Variants in TRPC5 observed in about 807,000 individuals in gnomAD.
TRPC5 encodes short transient receptor potential channel 5.
In TRPC5, 9 loss-of-function variants were observed where a neutral mutation model predicts 56.5. The ratio of observed to expected loss-of-function variants is 0.16; its 90% confidence interval spans 0.10 to 0.28. The LOEUF (loss-of-function observed/expected upper bound fraction) is 0.28, where lower values mean the gene tolerates loss of function less well. TRPC5 is among the 10% of genes least tolerant of loss of function. The pLI, the probability that TRPC5 is intolerant of heterozygous loss-of-function variation, is 1.00. For missense variants in TRPC5, 469 were observed against 748.9 expected, an observed-to-expected ratio of 0.63 and a Z score of 4.36; for synonymous variants, 282 against 278.5, an observed-to-expected ratio of 1.01 and a Z score of -0.13.
intron 7 of TRPC5, among the ~76,000 whole-genome samples, chrX:111,812,843 C>A (rs1921750705): frequency 8.9e-6 from 1 of 112,378 alleles, no homozygotes; most frequent in Non-Finnish European, 1.9e-5. Flanking sequence ...ATATGGATGA[C>A]AAAATCACTT....
chrX:112,041,655 T>A (rs1929894962), intron 1 of TRPC5, among the ~76,000 whole-genome samples: 1 of 111,764 alleles, frequency 8.9e-6, no homozygotes, highest in Admixed American at 9.5e-5. Flanking sequence ...GGGGTCGACA[T>A]AGTCTCCCTG....
intron 1 of TRPC5, among the ~76,000 whole-genome samples, chrX:111,963,760 G>A (rs748125163): frequency 3.6e-5 from 4 of 112,006 alleles, no homozygotes; most frequent in South Asian, 3.7e-4. Context: ...TGCAGCTGAG[G>A]GACCTGTCTG....
At chrX:112,008,755 T>C in intron 1 of TRPC5, among the ~76,000 whole-genome samples, 1 of 111,841 alleles carries the variant, frequency 8.9e-6, no homozygotes, top group Non-Finnish European at 1.9e-5. Context: ...AACATAATTG[T>C]GAAGAGTAAA....
intron 1 of TRPC5, among the ~76,000 whole-genome samples, chrX:112,072,804 ATCTC>A (rs752223814): frequency 2.7e-5 from 3 of 109,421 alleles, no homozygotes; most frequent in Admixed American, 9.8e-5. Flanking sequence ...TGTCAGATCG[ATCTC>A]TCTCTCTCTC....
In TRPC5 at chrX:111,776,344, C is replaced by T. The variant is rs147748171; in HGVS notation, c.2891G>A (p.Gly964Glu). ...GCGAGTTGTAACTTGTTCTTCCTGT[C>T]CATCACCCCATTTGTGCATGAGCAA... ...CDLLMHKWGD[G>E]QEEQVTTRL The change falls in exon 11 of 11, where the codon GGA becomes GAA. Residue 964 changes from glycine to glutamate, a missense_variant. Coordinates refer to ENST00000262839, the MANE Select transcript of TRPC5 (RefSeq NM_012471.3). The T allele has an allele frequency of 2.5e-6, 3 of 1,191,416 alleles. No individual in the cohort carries two copies. Among genetic ancestry groups the T allele is most frequent in the Non-Finnish European group, 3.4e-6 (3 of 886,105 alleles).
chrX:112,027,950 A>C (rs777355280), intron 1 of TRPC5, among the ~76,000 whole-genome samples: 1 of 112,253 alleles, frequency 8.9e-6, no homozygotes, highest in South Asian at 3.7e-4. Context: ...TTTCAGGGAG[A>C]AAAACCTTAG....
intron 1 of TRPC5, among the ~76,000 whole-genome samples, chrX:111,994,668 G>T (rs1265294579): frequency 9.0e-6 from 1 of 111,220 alleles, no homozygotes; most frequent in Non-Finnish European, 1.9e-5. Flanking sequence ...TTTAGCCATT[G>T]TGAATGGGAG....
At chrX:112,023,246 GTTTTTTTTTTTTTTTT>G (rs1163231468) in intron 1 of TRPC5, among the ~76,000 whole-genome samples, 5 of 56,680 alleles carry the variant, frequency 8.8e-5, no homozygotes, top group African/African-American at 1.4e-4. Flanking sequence ...TTTTTTTTTT[GTTTTTTTTTTTTTTTT>G]TTTTTTTTTT....
At position 111,854,092 on chromosome X, in the gene TRPC5, G is replaced by A. The variant is rs769026831; in HGVS notation, c.915C>T (p.Pro305=). The A allele has an allele frequency of 9.1e-6, 11 of 1,207,613 alleles. No homozygotes were observed. Among genetic ancestry groups the A allele is most frequent in the Non-Finnish European group, 1.1e-5 (10 of 893,357 alleles). The stretch of plus-strand genomic sequence containing the variant: ...GGGTGGCAAGCAACTGTTGGCAGTT[G>A]GGCTGAGCAACAAACTGGGAAAAGA... ...KYHQKEFVAQ[P]NCQQLLATLW... Residue 305 remains proline, a synonymous_variant, in exon 4 of 11, where the codon CCC becomes CCT. Transcript: ENST00000262839.
At position 112,026,928 on chromosome X, in the gene TRPC5, AAAAGAAAGAAAG is replaced by A. The variant is rs376571702; in HGVS notation, c.-22+54939_-22+54950del. Among the ~76,000 whole-genome samples, 22 of 109,011 alleles carry A rather than the reference AAAAGAAAGAAAG, an allele frequency of 2.0e-4. 1 individual carries two copies. The highest frequency in any genetic ancestry group is 3.7e-4 in the African/African-American group (11 of 29,928). The allele number at this position is 109,011 out of a possible 115,157, so 94.7% of individuals were successfully genotyped here. On this transcript the variant is annotated intron_variant, in intron 1 of 10. Transcript: ENST00000262839. ...CCATGAAAAAAAAAAAAGAAGAAGAAAAAGAAAGAAAGAAAGAAAGAAAGAAAGAAATTTGGG... is the reference window on the plus strand; with the variant it reads ...CCATGAAAAAAAAAAAAGAAGAAGAAAAAGAAAGAAAGAAAGAAATTTGGG...
intron 1 of TRPC5, among the ~76,000 whole-genome samples, chrX:112,015,821 TAGG>T (rs1030960197): frequency 1.1e-4 from 12 of 111,590 alleles, no homozygotes; most frequent in African/African-American, 3.9e-4. Flanking sequence ...TCCTGGGTAA[TAGG>T]AGGAGGCCAG....
chrX:111,964,783 T>C (rs1427953258), intron 1 of TRPC5, among the ~76,000 whole-genome samples: 1 of 111,244 alleles, frequency 9.0e-6, no homozygotes, highest in African/African-American at 3.3e-5. Flanking sequence ...CTGAGAGATT[T>C]TGTCACCACC....
chrX:111,854,378 T>A (rs1199341424), intron 3 of TRPC5, among the ~76,000 whole-genome samples: 3 of 111,807 alleles, frequency 2.7e-5, no homozygotes, highest in Non-Finnish European at 5.6e-5. Flanking sequence ...CATACCTTCC[T>A]ATTGTCCCTC....
At chrX:111,940,998 A>T (rs1297327161) in intron 2 of TRPC5, among the ~76,000 whole-genome samples, 2 of 112,111 alleles carry the variant, frequency 1.8e-5, no homozygotes, top group Non-Finnish European at 3.8e-5. Flanking sequence ...TAATACATTT[A>T]AATGTTAAGT....
intron 9 of TRPC5, among the ~76,000 whole-genome samples, chrX:111,780,389 C>G (rs1945910411): frequency 9.1e-6 from 1 of 110,272 alleles, no homozygotes; most frequent in Non-Finnish European, 1.9e-5. Flanking sequence ...TTCAGATAAG[C>G]TTTTACTTCA....
At chrX:111,894,510 C>T (rs922644386) in intron 3 of TRPC5, among the ~76,000 whole-genome samples, 2 of 111,505 alleles carry the variant, frequency 1.8e-5, no homozygotes, top group Non-Finnish European at 3.8e-5. Flanking sequence ...CATCTTGTAT[C>T]AATTAAAAAC....
At chrX:111,959,768 C>G (rs1414065673) in intron 1 of TRPC5, among the ~76,000 whole-genome samples, 1 of 111,504 alleles carries the variant, frequency 9.0e-6, no homozygotes, top group Admixed American at 9.6e-5. Flanking sequence ...ATTAAATACC[C>G]TTTTACAAAT....
At chrX:112,020,262 A>G (rs766251686) in intron 1 of TRPC5, among the ~76,000 whole-genome samples, 58 of 112,072 alleles carry the variant, frequency 5.2e-4, no homozygotes, top group Admixed American at 1.3e-3. Context: ...ATTTAAACCA[A>G]TTGTTTAAGA....
intron 3 of TRPC5, among the ~76,000 whole-genome samples, chrX:111,894,209 G>T (rs1486022704): frequency 4.5e-5 from 5 of 111,486 alleles, no homozygotes; most frequent in Non-Finnish European, 3.8e-5. Context: ...CTAATACAAA[G>T]AAGCTTATCA....
Sources: gnomAD v4.1 joint callset for allele counts (sites outside exome capture counted in the v4.1 genomes callset) on GRCh38, gnomAD v4.1.1 for gene constraint, MANE v1.5 for transcripts, NCBI Gene and HGNC (gene_info 2026-07-23, HGNC 2026-07-21) for gene names.